Variants in HNRNPLL observed in about 807,000 individuals in gnomAD.
HNRNPLL encodes the protein heterogeneous nuclear ribonucleoprotein L like, also known as heterogeneous nuclear ribonucleoprotein L-like.
In HNRNPLL, 25 loss-of-function variants were observed where a neutral mutation model predicts 67.1. That is an observed-to-expected ratio of 0.37 (90% CI 0.27 to 0.52). The LOEUF is 0.52. Ranked by LOEUF, HNRNPLL falls within the 20% of genes least tolerant of loss-of-function variation. The pLI, the probability that HNRNPLL is intolerant of heterozygous loss-of-function variation, is 0.90. For missense variants in HNRNPLL, 542 were observed against 673.9 expected (o/e 0.80, Z 2.17); for synonymous variants, 267 against 241.7 (o/e 1.10, Z -0.97).
intron 8 of HNRNPLL, among the ~76,000 whole-genome samples, chr2:38,570,232 A>G (rs12614876): frequency 0.08 from 12,245 of 152,246 alleles, 1,261 homozygotes; most frequent in African/African-American, 0.24. Context: ...GAAAATACAG[A>G]TAATACCATC....
chr2:38,587,098 C>T (rs1023621955), intron 2 of HNRNPLL, among the ~76,000 whole-genome samples: 2 of 152,098 alleles, frequency 1.3e-5, no homozygotes, highest in Non-Finnish European at 2.9e-5. Context: ...AAAGAAATGT[C>T]GGGTCCAGTA....
rs575428356 is a variant in HNRNPLL at position 38,574,671 on chromosome 2, C to G, written c.875-1244G>C. On this transcript the variant is annotated intron_variant, in intron 7 of 12. Transcript: ENST00000449105. ...TCATAACAACACAGTAACACCACCA[C>G]CAAGCACACACAAACACGGTGTGAA... is the stretch of plus-strand genomic sequence containing the variant. Among the ~76,000 whole-genome samples the G allele has an allele frequency of 6.6e-5, 10 of 151,892 alleles. No individual in the cohort carries two copies. The South Asian group carries it at 2.1e-3, about 31-fold the overall frequency.
At chr2:38,568,035 T>TACAGCAATAGATAACTA (rs1665939419) in intron 12 of HNRNPLL, 164 bp downstream of exon 12, 1 of 534,552 alleles carries the variant, frequency 1.9e-6, no homozygotes, top group African/African-American at 2.0e-5. Flanking sequence ...CAATTTGTTA[T>TACAGCAATAGATAACTA]ACAGCAATAG....
At chr2:38,591,307 G>C (rs1416582985) in intron 2 of HNRNPLL, among the ~76,000 whole-genome samples, 1 of 152,184 alleles carries the variant, frequency 6.6e-6, no homozygotes, top group African/African-American at 2.4e-5. Context: ...GGAGTGAGAA[G>C]TGATCATAGC....
At chr2:38,585,508 T>C (rs1477151506) in intron 3 of HNRNPLL, 136 bp downstream of exon 3, 2 of 611,926 alleles carry the variant, frequency 3.3e-6, no homozygotes, top group African/African-American at 3.7e-5. Context: ...TTCATTAAAC[T>C]TGTTAAGATT....
intron 2 of HNRNPLL, among the ~76,000 whole-genome samples, chr2:38,589,790 C>T (rs1481510979): frequency 6.6e-6 from 1 of 152,064 alleles, no homozygotes; most frequent in Non-Finnish European, 1.5e-5. Flanking sequence ...CCCAAAGTTT[C>T]CATTTATATT....
chr2:38,588,492 T>A (rs1264661615), intron 2 of HNRNPLL, among the ~76,000 whole-genome samples: 1 of 131,004 alleles, frequency 7.6e-6, no homozygotes, highest in East Asian at 2.1e-4. Flanking sequence ...GAGGTTGCAG[T>A]GAGCCAAGAT....
intron 9 of HNRNPLL, among the ~76,000 whole-genome samples, chr2:38,569,573 G>A (rs778395585): frequency 5.9e-5 from 9 of 151,856 alleles, no homozygotes; most frequent in African/African-American, 1.5e-4. Flanking sequence ...ACATAAAAAC[G>A]TGCCCATTTT....
chr2:38,566,601 T>A (rs1418088518), intron 12 of HNRNPLL, among the ~76,000 whole-genome samples: 3 of 151,998 alleles, frequency 2.0e-5, no homozygotes, highest in African/African-American at 7.2e-5. Flanking sequence ...GTGCAACCTT[T>A]ATAAAGTACA....
chr2:38,571,702 T>C (rs1380579658), intron 8 of HNRNPLL, among the ~76,000 whole-genome samples: 1 of 152,148 alleles, frequency 6.6e-6, no homozygotes, highest in African/African-American at 2.4e-5. Flanking sequence ...CTTGTATTGG[T>C]AAATCTCCAA....
At chr2:38,589,038 T>C (rs1412419846) in intron 2 of HNRNPLL, among the ~76,000 whole-genome samples, 1 of 152,216 alleles carries the variant, frequency 6.6e-6, no homozygotes, top group African/African-American at 2.4e-5. Context: ...TCCTCCCAAA[T>C]GTTGTATTGT....
chr2:38,571,074 A>G (rs983733073), intron 8 of HNRNPLL, among the ~76,000 whole-genome samples: 7 of 152,222 alleles, frequency 4.6e-5, no homozygotes, highest in African/African-American at 1.4e-4. Flanking sequence ...AACTGTAGAC[A>G]GTACTGAAAG....
At chr2:38,570,879 C>CA (rs796515789) in intron 8 of HNRNPLL, among the ~76,000 whole-genome samples, 3,922 of 136,754 alleles carry the variant, frequency 0.029, 156 homozygotes, top group African/African-American at 0.095. Context: ...CCCATCTCTA[C>CA]AAAAAAAAAA....
chr2:38,565,353 C>G (rs562708028), intron 12 of HNRNPLL, among the ~76,000 whole-genome samples: 1 of 152,106 alleles, frequency 6.6e-6, no homozygotes, highest in African/African-American at 2.4e-5. Flanking sequence ...AAAACTTTCT[C>G]TCAAAAATTA....
intron 7 of HNRNPLL, among the ~76,000 whole-genome samples, chr2:38,575,001 T>C (rs890169858): frequency 2.6e-5 from 4 of 151,870 alleles, no homozygotes; most frequent in African/African-American, 2.4e-5. Context: ...CATTTCACTA[T>C]CATCACACTA....
In HNRNPLL at chr2:38,602,587, C is replaced by A; in HGVS notation, c.40G>T (p.Glu14Ter). The A allele has an allele frequency of 6.4e-7, 1 of 1,572,718 alleles. No homozygotes were observed. Among genetic ancestry groups the A allele is most frequent in the East Asian group, 2.4e-5 (1 of 42,322 alleles). ...SSSSPRETYE[E>*]DREYESQAKR... is the part of the protein sequence containing the mutation. ...GCCTGGCTCTCGTACTCCCGGTCCT[C>A]CTCGTACGTCTCCCTGGGGGAGGAA... Residue 14 changes from glutamate (E) to a stop codon, truncating the protein, a stop_gained, in exon 1 of 13, where the codon GAG (glutamate) becomes TAG (stop). Coordinates refer to ENST00000449105, the MANE Select transcript of HNRNPLL (RefSeq NM_138394.4). LOFTEE classifies it high-confidence loss of function.
chr2:38,601,390 C>CTAA (rs1233918327), intron 1 of HNRNPLL, among the ~76,000 whole-genome samples: 4 of 152,038 alleles, frequency 2.6e-5, no homozygotes, highest in Admixed American at 2.6e-4. Context: ...CCCTTTTAAC[C>CTAA]TAATAGTAGG....
intron 12 of HNRNPLL, among the ~76,000 whole-genome samples, chr2:38,567,266 T>A (rs1296158978): frequency 6.7e-6 from 1 of 150,096 alleles, no homozygotes; most frequent in African/African-American, 2.5e-5. Flanking sequence ...CCACGCCAGG[T>A]TAATTTTTTT....
chr2:38,570,926 T>C lies in HNRNPLL; in HGVS notation c.1093-1001A>G, dbSNP rs1191760664. On this transcript the variant is annotated intron_variant, in intron 8 of 12. Coordinates refer to ENST00000449105, the MANE Select transcript of HNRNPLL (RefSeq NM_138394.4). Reference sequence around the variant, plus strand: ...AGCTGGGCATGGTGGCATGCACCTGTAGTCCCAGCTACTCAGGAGGCTGAG... The same window carrying C: ...AGCTGGGCATGGTGGCATGCACCTGCAGTCCCAGCTACTCAGGAGGCTGAG... Among the ~76,000 whole-genome samples the C allele has an allele frequency of 3.3e-5, 5 of 151,796 alleles. No homozygotes were observed. In the East Asian group the frequency reaches 5.8e-4, roughly 18 times the overall value.
Sources: allele counts gnomAD v4.1 joint callset (sites outside exome capture counted in the v4.1 genomes callset), GRCh38; gene constraint gnomAD v4.1.1; transcripts MANE v1.5; gene names NCBI Gene and HGNC (gene_info 2026-07-23, HGNC 2026-07-21).